CKAP5: variants seen among roughly 807,000 people sequenced by gnomAD.
CKAP5 encodes the protein cytoskeleton-associated protein 5.
A neutral mutation model predicts 232.8 loss-of-function variants in CKAP5; 27 were observed. The ratio of observed to expected loss-of-function variants is 0.12; its 90% confidence interval spans 0.09 to 0.16. The LOEUF is 0.16. Among genes scored for constraint, CKAP5 ranks in the 10% least tolerant of loss-of-function variants. The pLI, the probability that CKAP5 is intolerant of heterozygous loss-of-function variation, is 1.00. For synonymous variants in CKAP5, 785 were observed against 841.1 expected (o/e 0.93, Z 1.16); for missense variants, 1,838 against 2,424.7 (o/e 0.76, Z 5.08).
intron 38 of CKAP5, 78 bp downstream of exon 38, chr11:46,752,557 C>T (rs1359682492): frequency 9.2e-7 from 1 of 1,092,564 alleles, no homozygotes; most frequent in African/African-American, 1.6e-5. Context: ...TTTCTTAGCT[C>T]CAATTCCTCT....
intron 1 of CKAP5, among the ~76,000 whole-genome samples, chr11:46,835,946 T>C (rs1163657690): frequency 1.3e-5 from 2 of 152,236 alleles, no homozygotes; most frequent in African/African-American, 2.4e-5. Flanking sequence ...TATGATATGG[T>C]ATTCTATGGT....
intron 1 of CKAP5, among the ~76,000 whole-genome samples, chr11:46,828,214 A>G (rs1434965003): frequency 1.4e-5 from 2 of 143,732 alleles, no homozygotes; most frequent in Non-Finnish European, 3.0e-5. Context: ...GTTTTAGAGA[A>G]CCCTAAGCTA....
At chr11:46,770,281 G>T in intron 25 of CKAP5, 183 bp from the exon 26 acceptor site, 1 of 630,070 alleles carries the variant, frequency 1.6e-6, no homozygotes, top group Non-Finnish European at 2.8e-6. Context: ...CACTAAGGTA[G>T]GTATCATTCT....
chr11:46,770,616 A>G (rs1272985392), intron 25 of CKAP5, among the ~76,000 whole-genome samples, 172 bp downstream of exon 25: 1 of 152,084 alleles, frequency 6.6e-6, no homozygotes, highest in African/African-American at 2.4e-5. Context: ...TTTTGTAGAG[A>G]TGGGGTTTCA....
At chr11:46,767,727 T>C in intron 26 of CKAP5, 64 bp from the exon 27 acceptor site, 1 of 982,084 alleles carries the variant, frequency 1.0e-6, no homozygotes, top group Non-Finnish European at 1.5e-6. Context: ...TTTGGACAGG[T>C]TAAATATATA....
chr11:46,801,135 G>A, intron 9 of CKAP5, 65 bp downstream of exon 9: 3 of 1,164,096 alleles, frequency 2.6e-6, no homozygotes, highest in African/African-American at 1.5e-5. Flanking sequence ...AAAGCAAACA[G>A]CAAACTAGGC....
intron 22 of CKAP5, 138 bp downstream of exon 22, chr11:46,778,001 T>C: frequency 1.5e-6 from 1 of 667,342 alleles, no homozygotes; most frequent in Non-Finnish European, 2.5e-6. Flanking sequence ...ATACACTTAA[T>C]AAATTAAAGG....
chr11:46,829,373 C>A (rs568326959), intron 1 of CKAP5, among the ~76,000 whole-genome samples: 14 of 152,264 alleles, frequency 9.2e-5, no homozygotes, highest in Admixed American at 2.0e-4. Context: ...TACTTACTGT[C>A]TCTAAAAATA....
At chr11:46,815,925 C>G (rs559499080) in intron 4 of CKAP5, among the ~76,000 whole-genome samples, 1 of 152,170 alleles carries the variant, frequency 6.6e-6, no homozygotes, top group Non-Finnish European at 1.5e-5. Flanking sequence ...GAACAGCTAC[C>G]AAGCGAGAAT....
chr11:46,788,895 GTTA>G, intron 15 of CKAP5, 122 bp from the exon 16 acceptor site: 1 of 678,510 alleles, frequency 1.5e-6, no homozygotes, highest in South Asian at 1.7e-5. Flanking sequence ...ACTGAGGAGG[GTTA>G]TTGAGGGAGC....
Position 46,752,672 on chromosome 11 carries a change from G to C in CKAP5, c.5096C>G (p.Thr1699Arg). Reference sequence around the variant, plus strand: ...CTCTGAGAATTTGGGAGAACTGGCTGTTGCTAGCAGGCTGTCTTGGAGCAA... The same window carrying C: ...CTCTGAGAATTTGGGAGAACTGGCTCTTGCTAGCAGGCTGTCTTGGAGCAA... ...LVLLQDSLLA[T>R]ASSPKFSELV... Residue 1699 changes from threonine (T) to arginine (R), a missense_variant, in exon 38 of 44, where the codon ACA (threonine) becomes AGA (arginine). Around this residue, in one of 6 missense-constraint regions of CKAP5, gnomAD observed 579 missense variants for 843.2 expected, o/e 0.69. Coordinates refer to ENST00000529230, the MANE Select transcript of CKAP5 (RefSeq NM_001008938.4). The C allele has an allele frequency of 6.2e-7, 1 of 1,613,176 alleles. No homozygotes were observed. Among genetic ancestry groups the C allele is most frequent in the African/African-American group, 1.3e-5 (1 of 74,996 alleles).
rs1439913708 is a variant in CKAP5, at chr11:46,751,525, T to G, written c.5143A>C (p.Arg1715=). The change falls in exon 39 of 44, where the codon AGA becomes CGA. Residue 1715 remains arginine, a synonymous_variant. Transcript: ENST00000529230. ...GTATCAGGCAACAGTCGAACCATTC[T>G]CCAGAGACACTATTGAAAAAAGAAT... is the stretch of plus-strand genomic sequence containing the variant. ...FSELVMKCLW[R]MVRLLPDTIN... The G allele has an allele frequency of 6.2e-7, 1 of 1,607,680 alleles. No individual in the cohort carries two copies. Among genetic ancestry groups the G allele is most frequent in the Non-Finnish European group, 8.5e-7 (1 of 1,177,456 alleles).
chr11:46,791,695 C>T (rs1335510918), intron 13 of CKAP5, among the ~76,000 whole-genome samples: 3 of 152,032 alleles, frequency 2.0e-5, no homozygotes, highest in African/African-American at 2.4e-5. Flanking sequence ...ATTCATTCCA[C>T]TCCAGTTTTC....
intron 9 of CKAP5, among the ~76,000 whole-genome samples, chr11:46,799,619 A>T (rs1003885216): frequency 2.0e-5 from 3 of 152,230 alleles, no homozygotes; most frequent in African/African-American, 7.2e-5. Context: ...GACATTCTTT[A>T]ACCAGGACAA....
At chr11:46,808,394 AGCCGG>A (rs1939203562) in intron 7 of CKAP5, among the ~76,000 whole-genome samples, 1 of 152,162 alleles carries the variant, frequency 6.6e-6, no homozygotes, top group Non-Finnish European at 1.5e-5. Flanking sequence ...ACAAAAAATT[AGCCGG>A]GCGTGGTGGC....
chr11:46,781,268 T>A (rs1398370432), intron 18 of CKAP5, among the ~76,000 whole-genome samples: 1 of 152,224 alleles, frequency 6.6e-6, no homozygotes, highest in East Asian at 1.9e-4. Flanking sequence ...TTCTACTTTT[T>A]AAATATCTTA....
chr11:46,808,946 C>G (rs1258610994), intron 7 of CKAP5, among the ~76,000 whole-genome samples: 1 of 152,162 alleles, frequency 6.6e-6, no homozygotes, highest in East Asian at 1.9e-4. Context: ...TGTTTCAAGA[C>G]ATTTTTGATT....
At chr11:46,798,607 A>G (rs1262043629) in intron 9 of CKAP5, among the ~76,000 whole-genome samples, 2 of 152,072 alleles carry the variant, frequency 1.3e-5, no homozygotes, top group Admixed American at 6.6e-5. Context: ...GCAGTCACAA[A>G]GACCATGTAT....
At chr11:46,798,029 T>C (rs1938921529) in intron 10 of CKAP5, 54 bp downstream of exon 10, 2 of 1,604,194 alleles carry the variant, frequency 1.2e-6, no homozygotes, top group Non-Finnish European at 8.5e-7. Context: ...ATCAAAATAT[T>C]ATATTTACAA....
Sources: gnomAD v4.1 joint callset for allele counts (sites outside exome capture counted in the v4.1 genomes callset) on GRCh38, gnomAD v4.1.1 for gene constraint, gnomAD v4.1.1 regional missense constraint, MANE v1.5 for transcripts, NCBI Gene and HGNC (gene_info 2026-07-23, HGNC 2026-07-21) for gene names.